ARHGAP4: variants seen among roughly 807,000 people sequenced by gnomAD.
The protein encoded by ARHGAP4 is Rho GTPase activating protein 4.
Under a neutral mutation model 67.6 loss-of-function variants are expected in ARHGAP4, and 25 were observed. The ratio of observed to expected loss-of-function variants is 0.37; its 90% CI spans 0.27 to 0.52. The LOEUF (loss-of-function observed/expected upper bound fraction) is 0.52. Among genes scored for constraint, ARHGAP4 ranks in the 20% least tolerant of loss-of-function variants. ARHGAP4 has a pLI of 0.92. For synonymous variants in ARHGAP4, 448 were observed against 373.7 expected, an observed-to-expected ratio of 1.20 and a Z score of -2.29; for missense variants, 804 against 854.6, an observed-to-expected ratio of 0.94 and a Z score of 0.74.
chrX:153,921,419 G>A lies in ARHGAP4; in HGVS notation c.381C>T (p.Pro127=), dbSNP rs782661073. The change falls in exon 3 of 22, where the codon CCC becomes CCT. Residue 127 remains proline (P), a synonymous_variant. Transcript: ENST00000350060. ...SAALSEVLAG[P]LAQRLSHIAE... ...CAATGTGACTCAGGCGCTGGGCCAGGGGCCCGGCCAGCACCTCACTCAGGG... is the reference window on the plus strand; with the variant it reads ...CAATGTGACTCAGGCGCTGGGCCAGAGGCCCGGCCAGCACCTCACTCAGGG... 2.9e-4 allele frequency: 346 copies of A among 1,209,045 alleles called. 1 individual carries two copies. The South Asian group carries it at 5.3e-3, about 19-fold the overall frequency.
At position 153,911,195 on chromosome X, in the gene ARHGAP4, G is replaced by A; in HGVS notation, c.1543-6C>T. The A allele has an allele frequency of 1.7e-6, 2 of 1,157,761 alleles. No individual in the cohort carries two copies. Among genetic ancestry groups the A allele is most frequent in the Non-Finnish European group, 2.3e-6 (2 of 866,392 alleles). On this transcript the variant is annotated splice_polypyrimidine_tract_variant and splice_region_variant and intron_variant, in intron 12 of 21. Coordinates refer to ENST00000350060, the MANE Select transcript of ARHGAP4 (RefSeq NM_001666.5). ...GGCACAGGCTGGCCTGAGCTCTGGG[G>A]ACAGAGGGTGTTTACTTCACCATGG... is the stretch of plus-strand genomic sequence containing the variant.
chrX:153,924,794 C>T (rs1311293796), intron 1 of ARHGAP4, among the ~76,000 whole-genome samples: 1 of 111,915 alleles, frequency 8.9e-6, no homozygotes, highest in African/African-American at 3.3e-5. Context: ...GCCCCGGGCC[C>T]CACCAGCACT....
At position 153,926,220 on chromosome X, in the gene ARHGAP4, G is replaced by A. The variant is rs201476669; in HGVS notation, c.-18C>T. On this transcript the variant is annotated 5_prime_UTR_variant, in exon 1 of 22. Coordinates refer to ENST00000350060, the MANE Select transcript of ARHGAP4 (RefSeq NM_001666.5). ...GCGGCCATGGCGGCCTCGCGGCCGC[G>A]CCGTCGAACCCCACTGCTCCCACGC... 1 of 1,178,693 alleles carries A rather than the reference G, an allele frequency of 8.5e-7. No individual in the cohort carries two copies. The highest frequency in any genetic ancestry group is 1.1e-6 in the Non-Finnish European group (1 of 878,678).
rs1557103565 is a variant in ARHGAP4 at position 153,912,805 on chromosome X, G to A, written c.1440-3C>T. On this transcript the variant is annotated splice_region_variant and splice_polypyrimidine_tract_variant and intron_variant, in intron 11 of 21. Coordinates refer to ENST00000350060, the MANE Select transcript of ARHGAP4 (RefSeq NM_001666.5). ...ATTTTCTCTGTGTGTACTGGGTCCTGCAGTGAATGGGAGCTGGCTCTGAGG... is the reference window on the plus strand; with the variant it reads ...ATTTTCTCTGTGTGTACTGGGTCCTACAGTGAATGGGAGCTGGCTCTGAGG... 7.5e-6 allele frequency: 9 copies of A among 1,202,321 alleles called. No individual in the cohort carries two copies. Among genetic ancestry groups the A allele is most frequent in the Non-Finnish European group, 1.0e-5 (9 of 888,212 alleles).
Position 153,909,175 on chromosome X carries a change from G to C in ARHGAP4, c.2508-6C>G. The C allele has an allele frequency of 8.4e-7, 1 of 1,195,386 alleles. No homozygotes were observed. Among genetic ancestry groups the C allele is most frequent in the Non-Finnish European group, 1.1e-6 (1 of 885,539 alleles). On this transcript the variant is annotated splice_polypyrimidine_tract_variant and splice_region_variant and intron_variant, in intron 20 of 21. Transcript: ENST00000350060. ...GTGAGGTGCATGGCTCTGGCCTGCA[G>C]GACAGACAGGGAGCCTGGTGGGGGC...
At chrX:153,908,048 C>T in intron 21 of ARHGAP4, 86 bp from the exon 22 acceptor site, 5 of 848,055 alleles carry the variant, frequency 5.9e-6, no homozygotes, top group Non-Finnish European at 7.9e-6. Context: ...CTCCCACTCC[C>T]AAAGCAAGCC....
chrX:153,918,600 C>T (rs1214572818), intron 7 of ARHGAP4, among the ~76,000 whole-genome samples: 1 of 112,931 alleles, frequency 8.9e-6, no homozygotes, highest in African/African-American at 3.2e-5. Context: ...GGCAGCTACA[C>T]GGCTGCCTGC....
At chrX:153,918,469 T>C (rs1293112303) in intron 7 of ARHGAP4, among the ~76,000 whole-genome samples, 2 of 112,628 alleles carry the variant, frequency 1.8e-5, no homozygotes, top group African/African-American at 6.5e-5. Context: ...CCCATCAGGA[T>C]AAACTGCTGC....
chrX:153,920,913 G>A (rs1557105135), intron 4 of ARHGAP4, 105 bp from the exon 5 acceptor site: 2 of 1,062,288 alleles, frequency 1.9e-6, no homozygotes, highest in Admixed American at 2.4e-5. Flanking sequence ...AGAGCTGGGC[G>A]ATCCCATGTG....
rs781929541 is a variant in ARHGAP4, at chrX:153,921,449, G to A, written c.351C>T (p.Ser117=). The change falls in exon 3 of 22, where the codon AGC becomes AGT. Residue 117 remains serine (S), a synonymous_variant. Coordinates refer to ENST00000350060, the MANE Select transcript of ARHGAP4 (RefSeq NM_001666.5). ...LQHTRQQSRE[S]AALSEVLAGP... ...CGGCCAGCACCTCACTCAGGGCCGC[G>A]CTCTCCCGGCTCTGCTGCCGCGTGT... is the stretch of plus-strand genomic sequence containing the variant. 55 of 1,203,669 alleles carry A rather than the reference G, an allele frequency of 4.6e-5. No homozygotes were observed. The highest frequency in any genetic ancestry group is 8.9e-5 in the East Asian group (3 of 33,678).
In ARHGAP4 at chrX:153,910,299, C is replaced by T. The variant is rs1557102711; in HGVS notation, c.2028G>A (p.Leu676=). The change falls in exon 17 of 22, where the codon CTG becomes CTA. Residue 676 remains leucine (L), a synonymous_variant. Coordinates refer to ENST00000350060, the MANE Select transcript of ARHGAP4 (RefSeq NM_001666.5). ...PVPAGQDPVA[L]QGRVNQLVQT... ...GCACCAGCTGGTTCACCCGGCCCTG[C>T]AGCGCCACCGGGTCCTGCCCAGCGG... is the stretch of plus-strand genomic sequence containing the variant. 1.7e-6 allele frequency: 2 copies of T among 1,209,728 alleles called. No homozygotes were observed. The highest frequency in any genetic ancestry group is 2.2e-6 in the Non-Finnish European group (2 of 894,754).
rs782275034 is a variant in ARHGAP4 at position 153,921,452 on chromosome X, C to T, written c.348G>A (p.Glu116=). The T allele has an allele frequency of 2.5e-6, 3 of 1,205,855 alleles. No individual in the cohort carries two copies. The highest frequency in any genetic ancestry group is 3.5e-5 in the African/African-American group (2 of 57,877). Residue 116 remains glutamate, a synonymous_variant, in exon 3 of 22, where the codon GAG becomes GAA. Coordinates refer to ENST00000350060, the MANE Select transcript of ARHGAP4 (RefSeq NM_001666.5). ...CCAGCACCTCACTCAGGGCCGCGCT[C>T]TCCCGGCTCTGCTGCCGCGTGTGCT... ...LLQHTRQQSR[E]SAALSEVLAG... is the part of the protein sequence containing the mutation.
intron 5 of ARHGAP4, 137 bp downstream of exon 5, chrX:153,920,489 A>C: frequency 1.4e-6 from 1 of 716,347 alleles, no homozygotes; most frequent in Non-Finnish European, 2.0e-6. Context: ...TCCGTATGGA[A>C]TCCCTGGAAC....
Position 153,910,266 on chromosome X carries a change from G to A in ARHGAP4, c.2061C>T (p.Leu687=), listed in dbSNP as rs1277671491. The change falls in exon 17 of 22, where the codon CTC becomes CTT. Residue 687 remains leucine, a synonymous_variant. Transcript: ENST00000350060. ...QGRVNQLVQT[L]IVQPDRVFPP... ...GGAAGACCCGATCGGGCTGCACTAT[G>A]AGCGTCTGCACCAGCTGGTTCACCC... 9.9e-6 allele frequency: 12 copies of A among 1,209,182 alleles called. No individual in the cohort carries two copies. In the Admixed American group the frequency reaches 1.5e-4, roughly 15 times the overall value.
chrX:153,910,457 T>TAC, intron 16 of ARHGAP4, 49 bp downstream of exon 16: 1 of 1,083,250 alleles, frequency 9.2e-7, no homozygotes, highest in Non-Finnish European at 1.3e-6. Context: ...AGTCCCCCTG[T>TAC]CCCCTCGACC....
chrX:153,921,503 G>A lies in ARHGAP4; in HGVS notation c.297C>T (p.Pro99=). 8.4e-7 allele frequency: 1 copy of A among 1,195,830 alleles called. No individual in the cohort carries two copies. Among genetic ancestry groups the A allele is most frequent in the Non-Finnish European group, 1.1e-6 (1 of 887,033 alleles). The change falls in exon 3 of 22, where the codon CCC becomes CCT. Residue 99 remains proline, a synonymous_variant. Transcript: ENST00000350060. Reference sequence around the variant, plus strand: ...GCAGCAGCACCGCCCAGCAGTGCAAGGGCGACAGGAGGGACGGCTCCTTCC... The same window carrying A: ...GCAGCAGCACCGCCCAGCAGTGCAAAGGCGACAGGAGGGACGGCTCCTTCC... ...SFRKEPSLLS[P]LHCWAVLLQH...
chrX:153,922,448 C>T, intron 1 of ARHGAP4: 1 of 749,717 alleles, frequency 1.3e-6, no homozygotes, highest in Non-Finnish European at 1.6e-6. Context: ...CCCCACTTCC[C>T]ACTCCCAATC....
intron 7 of ARHGAP4, among the ~76,000 whole-genome samples, chrX:153,918,144 T>A (rs1410896561): frequency 1.8e-5 from 2 of 112,939 alleles, no homozygotes; most frequent in African/African-American, 6.4e-5. Flanking sequence ...ACAGTACCTG[T>A]TGTCATGGTG....
rs182410663 is a variant in ARHGAP4, at chrX:153,918,829, C to T, written c.1032+3G>A. The T allele has an allele frequency of 3.4e-4, 408 of 1,208,911 alleles. No individual in the cohort carries two copies. The highest frequency in any genetic ancestry group is 4.4e-4 in the Non-Finnish European group (396 of 893,467). On this transcript the variant is annotated splice_donor_region_variant and intron_variant, in intron 7 of 21. Transcript: ENST00000350060. ...GCCAAGCCCAGCAGGGGGTGACCCT[C>T]ACCTCATCCCCATCATGGGGGTGGT... is the stretch of plus-strand genomic sequence containing the variant.
Sources: allele counts gnomAD v4.1 joint callset (sites outside exome capture counted in the v4.1 genomes callset), GRCh38; gene constraint gnomAD v4.1.1; transcripts MANE v1.5; gene names NCBI Gene and HGNC (gene_info 2026-07-23, HGNC 2026-07-21).